CDC42BPA: variants seen among roughly 807,000 people sequenced by gnomAD.
CDC42BPA encodes serine/threonine-protein kinase MRCK alpha.
CDC42BPA carries 80 observed loss-of-function variants against 223.5 expected under a neutral mutation model. The observed-to-expected ratio is 0.36, with a 90% CI of 0.30 to 0.43. The LOEUF (loss-of-function observed/expected upper bound fraction) is 0.43, where lower values mean the gene tolerates loss of function less well. Ranked by LOEUF, CDC42BPA falls within the 20% of genes least tolerant of loss-of-function variation. The pLI, the probability that CDC42BPA is intolerant of heterozygous loss-of-function variation, is 1.00. For missense variants in CDC42BPA, 1,743 were observed against 2,099.9 expected (o/e 0.83, Z 3.32); for synonymous variants, 694 against 718.6 (o/e 0.97, Z 0.55).
intron 15 of CDC42BPA, among the ~76,000 whole-genome samples, chr1:227,093,607 A>G (rs1225764015): frequency 2.0e-5 from 3 of 152,166 alleles, no homozygotes; most frequent in Non-Finnish European, 2.9e-5. Flanking sequence ...TAGTTCAACA[A>G]TGTACAGCCA....
chr1:227,213,697 G>A (rs1674337462), intron 2 of CDC42BPA, among the ~76,000 whole-genome samples: 1 of 152,004 alleles, frequency 6.6e-6, no homozygotes, highest in Non-Finnish European at 1.5e-5. Context: ...GAAATAAACT[G>A]AAAACGATCC....
intron 21 of CDC42BPA, among the ~76,000 whole-genome samples, chr1:227,066,542 T>C (rs1677122425): frequency 6.6e-6 from 1 of 152,180 alleles, no homozygotes; most frequent in Non-Finnish European, 1.5e-5. Context: ...CATTCTGCTA[T>C]GACTTTGAGG....
chr1:227,047,352 C>CTA (rs1485681323), intron 23 of CDC42BPA, among the ~76,000 whole-genome samples: 1 of 152,006 alleles, frequency 6.6e-6, no homozygotes, highest in Non-Finnish European at 1.5e-5. Context: ...TGTCTTTCTT[C>CTA]TATATCAGTT....
At chr1:227,125,219 C>T (rs1464358282) in intron 11 of CDC42BPA, among the ~76,000 whole-genome samples, 3 of 148,872 alleles carry the variant, frequency 2.0e-5, no homozygotes, top group Non-Finnish European at 4.5e-5. Flanking sequence ...AAAAAACTGG[C>T]CCCATGTCAC....
At chr1:227,301,170 A>C (rs542334840) in intron 1 of CDC42BPA, among the ~76,000 whole-genome samples, 1 of 152,354 alleles carries the variant, frequency 6.6e-6, no homozygotes, top group African/African-American at 2.4e-5. Context: ...AATTGCCATC[A>C]TAAGAACAGA....
intron 15 of CDC42BPA, among the ~76,000 whole-genome samples, chr1:227,093,837 C>T (rs1683507852): frequency 6.6e-6 from 1 of 152,200 alleles, no homozygotes; most frequent in Non-Finnish European, 1.5e-5. Flanking sequence ...TTGGAACCTT[C>T]AGGCAGCAAA....
At chr1:227,048,382 A>T (rs1398954788) in intron 22 of CDC42BPA, among the ~76,000 whole-genome samples, 1 of 152,002 alleles carries the variant, frequency 6.6e-6, no homozygotes, top group East Asian at 1.9e-4. Context: ...TCTCAAAATG[A>T]TTTATAATAA....
intron 14 of CDC42BPA, among the ~76,000 whole-genome samples, chr1:227,105,509 A>G (rs9426603): frequency 0.28 from 42,947 of 151,378 alleles, 6,307 homozygotes; most frequent in African/African-American, 0.35. Context: ...ATCTACCACC[A>G]TGCCCAGCTA....
At chr1:227,047,885 A>AC in intron 23 of CDC42BPA, 42 bp downstream of exon 23, 1 of 1,218,850 alleles carries the variant, frequency 8.2e-7, no homozygotes, top group Admixed American at 1.9e-5. Flanking sequence ...GATAAAATTC[A>AC]TTTTTTTTGG....
At chr1:227,062,798 C>A (rs1676189962) in intron 21 of CDC42BPA, among the ~76,000 whole-genome samples, 1 of 150,744 alleles carries the variant, frequency 6.6e-6, no homozygotes. Flanking sequence ...AGTATATTAC[C>A]ACCCATGTAA....
chr1:227,276,312 G>C (rs1230729929), intron 1 of CDC42BPA, among the ~76,000 whole-genome samples: 1 of 150,986 alleles, frequency 6.6e-6, no homozygotes, highest in Admixed American at 6.6e-5. Context: ...TGGGAGGTGA[G>C]GAGCGTGTCT....
At chr1:227,187,484 GAA>G (rs56401083) in intron 5 of CDC42BPA, among the ~76,000 whole-genome samples, 1,761 of 138,324 alleles carry the variant, frequency 0.013, 28 homozygotes, top group African/African-American at 0.041. Flanking sequence ...GAGAAGACTG[GAA>G]AAAAAAAAAA....
chr1:227,152,962 G>T, intron 6 of CDC42BPA, among the ~76,000 whole-genome samples: 1 of 151,198 alleles, frequency 6.6e-6, no homozygotes, highest in East Asian at 1.9e-4. Context: ...AAATCATTGT[G>T]AGATTTTTTA....
chr1:227,048,104 C>A (rs990906611), intron 22 of CDC42BPA, 94 bp from the exon 23 acceptor site: 8 of 703,982 alleles, frequency 1.1e-5, no homozygotes, highest in South Asian at 2.3e-5. Context: ...TAAAACAAAA[C>A]ATCAATAAGG....
chr1:227,266,796 T>C (rs567986406), intron 1 of CDC42BPA, among the ~76,000 whole-genome samples: 2 of 152,224 alleles, frequency 1.3e-5, no homozygotes, highest in East Asian at 1.9e-4. Flanking sequence ...ACTATGAAGA[T>C]AGGTAGCATT....
At chr1:227,265,102 C>T (rs1447004214) in intron 1 of CDC42BPA, 13 of 772,394 alleles carry the variant, frequency 1.7e-5, no homozygotes, top group Non-Finnish European at 3.1e-5. Context: ...ACTAACAGTA[C>T]CAAATTTTAA....
intron 29 of CDC42BPA, among the ~76,000 whole-genome samples, chr1:227,030,194 A>G (rs1361865150): frequency 6.6e-6 from 1 of 152,192 alleles, no homozygotes; most frequent in African/African-American, 2.4e-5. Context: ...AAATGATACA[A>G]GAAAGACAAT....
chr1:227,032,310 G>C (rs879815542), intron 27 of CDC42BPA, among the ~76,000 whole-genome samples: 1 of 152,176 alleles, frequency 6.6e-6, no homozygotes, highest in African/African-American at 2.4e-5. Context: ...GGCTCCCTTG[G>C]TGGCTGGGAG....
chr1:227,072,329 C>A (rs768566547), intron 19 of CDC42BPA, 30 bp from the exon 20 acceptor site: 2 of 1,341,424 alleles, frequency 1.5e-6, no homozygotes, highest in Non-Finnish European at 2.1e-6. Context: ...GGAAAAATGT[C>A]ATTAATTTTT....
Sources: gnomAD v4.1 joint callset for allele counts (sites outside exome capture counted in the v4.1 genomes callset) on GRCh38, gnomAD v4.1.1 for gene constraint, MANE v1.5 for transcripts, NCBI Gene and HGNC (gene_info 2026-07-23, HGNC 2026-07-21) for gene names.